The following UGT2B4 variants were observed in gnomAD, a reference collection of about 807,000 sequenced individuals.
UGT2B4 encodes UDP-glucuronosyltransferase 2B4.
A neutral mutation model predicts 49.8 loss-of-function variants in UGT2B4; 49 were observed. The ratio of observed to expected loss-of-function variants is 0.98; its 90% CI spans 0.78 to 1.25. The LOEUF is 1.25. Ranked by LOEUF, UGT2B4 falls within the 50% of genes most tolerant of loss-of-function variation. The pLI, the probability that UGT2B4 is intolerant of heterozygous loss-of-function variation, is 0.00. For synonymous variants in UGT2B4, 246 were observed against 217.7 expected, an observed-to-expected ratio of 1.13 and a Z score of -1.14; for missense variants, 729 against 627.7, an observed-to-expected ratio of 1.16 and a Z score of -1.73.
upstream of UGT2B4, chr4:69,495,947 G>A (rs1045002938): frequency 1.3e-6 from 2 of 1,506,164 alleles, no homozygotes; most frequent in Non-Finnish European, 1.8e-6. Context: ...CAGTCAAGAA[G>A]TTAAAATGTA....
At chr4:69,491,441 TA>T (rs1238173032) in intron 2 of UGT2B4, among the ~76,000 whole-genome samples, 2 of 152,122 alleles carry the variant, frequency 1.3e-5, no homozygotes, top group Non-Finnish European at 2.9e-5. Context: ...GTGAATATAT[TA>T]TAAAACCAAT....
intron 2 of UGT2B4, 92 bp downstream of exon 2, chr4:69,493,601 C>A (rs1577888175): frequency 2.1e-6 from 3 of 1,433,096 alleles, no homozygotes; most frequent in South Asian, 1.6e-5. Context: ...CCACTTCCAC[C>A]TTTCTTCCAG....
chr4:69,496,387 C>T (rs1728164152), upstream of UGT2B4, among the ~76,000 whole-genome samples: 1 of 152,148 alleles, frequency 6.6e-6, no homozygotes, highest in Non-Finnish European at 1.5e-5. Context: ...CATCACCTGA[C>T]TCATGTAATA....
At chr4:69,519,985 G>A (rs1381840383) in intron 1 of UGT2B4, among the ~76,000 whole-genome samples, 2 of 152,006 alleles carry the variant, frequency 1.3e-5, no homozygotes, top group African/African-American at 2.4e-5. Context: ...ATGAAATATA[G>A]TATCTCACAA....
intron 1 of UGT2B4, among the ~76,000 whole-genome samples, chr4:69,503,831 C>T (rs1351190395): frequency 6.6e-6 from 1 of 152,194 alleles, no homozygotes; most frequent in Non-Finnish European, 1.5e-5. Flanking sequence ...TCTGCATTCA[C>T]TAGCACTCTG....
chr4:69,512,375 T>C (rs921736703), intron 1 of UGT2B4, among the ~76,000 whole-genome samples: 1 of 152,166 alleles, frequency 6.6e-6, no homozygotes, highest in African/African-American at 2.4e-5. Context: ...TTTTATCTAA[T>C]TTTCTTTTTC....
At chr4:69,522,527 C>A (rs1009679249) in intron 1 of UGT2B4, among the ~76,000 whole-genome samples, 1 of 152,108 alleles carries the variant, frequency 6.6e-6, no homozygotes, top group African/African-American at 2.4e-5. Flanking sequence ...AATAACATAT[C>A]TAAAAAATAA....
chr4:69,511,883 T>C (rs1445300076), intron 1 of UGT2B4, among the ~76,000 whole-genome samples: 1 of 152,136 alleles, frequency 6.6e-6, no homozygotes, highest in Non-Finnish European at 1.5e-5. Context: ...GACTCAGTCT[T>C]AGTAGGTTGT....
intron 5 of UGT2B4, among the ~76,000 whole-genome samples, chr4:69,481,711 G>A (rs1166643457): frequency 1.3e-5 from 2 of 152,044 alleles, no homozygotes; most frequent in African/African-American, 4.8e-5. Context: ...ATAAAATCAT[G>A]GTCAGCATCA....
chr4:69,487,521 T>A (rs1727829438), intron 3 of UGT2B4, among the ~76,000 whole-genome samples: 2 of 152,180 alleles, frequency 1.3e-5, no homozygotes, highest in East Asian at 3.9e-4. Context: ...ATGCCCTCAC[T>A]TATAAGTGGA....
chr4:69,515,167 T>G (rs1441130827), intron 1 of UGT2B4, among the ~76,000 whole-genome samples: 1 of 152,166 alleles, frequency 6.6e-6, no homozygotes, highest in Non-Finnish European at 1.5e-5. Context: ...TTGGATCAAG[T>G]GAACCTGATA....
At chr4:69,525,610 T>C (rs533056805) in intron 1 of UGT2B4, 26 of 928,592 alleles carry the variant, frequency 2.8e-5, no homozygotes, top group Non-Finnish European at 3.4e-5. Flanking sequence ...GGTTAGACAA[T>C]AGATTATCTA....
intron 1 of UGT2B4, among the ~76,000 whole-genome samples, chr4:69,502,681 G>A (rs949814806): frequency 1.2e-4 from 18 of 152,088 alleles, no homozygotes; most frequent in African/African-American, 3.9e-4. Flanking sequence ...TGAGCTATTA[G>A]CGACTTGGAA....
At chr4:69,496,051 G>T, upstream of UGT2B4, 2 of 897,592 alleles carry the variant, frequency 2.2e-6, no homozygotes, top group Non-Finnish European at 3.0e-6. Context: ...GTTTACACAA[G>T]TGCGTTTAAT....
intron 1 of UGT2B4, among the ~76,000 whole-genome samples, chr4:69,513,088 T>C (rs1163326174): frequency 1.3e-5 from 2 of 152,230 alleles, no homozygotes; most frequent in Non-Finnish European, 2.9e-5. Context: ...TTTAGTTTAA[T>C]CAGATTCCAT....
chr4:69,486,357 A>T (rs1397078472), intron 4 of UGT2B4, among the ~76,000 whole-genome samples: 1 of 152,198 alleles, frequency 6.6e-6, no homozygotes, highest in Non-Finnish European at 1.5e-5. Flanking sequence ...GAAGTGCCAG[A>T]AAAATTCTGT....
In UGT2B4 at chr4:69,485,714, C is replaced by T. The variant is rs10030234; in HGVS notation, c.1091-287G>A. Among the ~76,000 whole-genome samples, 61,433 of 151,628 alleles carry T rather than the reference C, an allele frequency of 0.41. 13,138 individuals are homozygous for T. Among genetic ancestry groups the T allele is most frequent in the South Asian group, 0.62 (2,978 of 4,826 alleles). On this transcript the variant is annotated intron_variant, in intron 4 of 5. Transcript: ENST00000305107. ...TCATGTGCAGAAAAGAAAAAAAGCA[C>T]AGAAAAGGGATGGACATGAAAGAAT...
At chr4:69,495,974 G>A, upstream of UGT2B4, 1 of 1,461,380 alleles carries the variant, frequency 6.8e-7, no homozygotes. Flanking sequence ...ACACTTCAAA[G>A]TAAATACATT....
At chr4:69,489,263 T>A (rs1198486506) in intron 3 of UGT2B4, among the ~76,000 whole-genome samples, 176 bp downstream of exon 3, 1 of 152,148 alleles carries the variant, frequency 6.6e-6, no homozygotes, top group Admixed American at 6.6e-5. Context: ...AAAAACACCT[T>A]CTGTATGAGT....
Sources: allele counts gnomAD v4.1 joint callset (sites outside exome capture counted in the v4.1 genomes callset), GRCh38; gene constraint gnomAD v4.1.1; transcripts MANE v1.5; gene names NCBI Gene and HGNC (gene_info 2026-07-23, HGNC 2026-07-21).